The following TENM2 variants were observed in gnomAD, a reference collection of about 807,000 sequenced individuals.
TENM2 encodes the protein teneurin-2.
Under a neutral mutation model 245.2 loss-of-function variants are expected in TENM2, and 52 were observed. The observed-to-expected ratio is 0.21, with a 90% CI of 0.17 to 0.27. TENM2 has a LOEUF of 0.27. Among genes scored for constraint, TENM2 ranks in the 10% least tolerant of loss-of-function variants. TENM2 has a pLI of 1.00. For synonymous variants in TENM2, 1,363 were observed against 1,438.9 expected (o/e 0.95, Z 1.19); for missense variants, 3,046 against 3,666.8 (o/e 0.83, Z 4.37).
the TENM2 span, among the ~76,000 whole-genome samples, chr5:167,128,626 C>G: frequency 6.6e-6 from 1 of 151,918 alleles, no homozygotes; most frequent in Non-Finnish European, 1.5e-5. Context: ...ATGGACACTT[C>G]ACTGAAGCCT....
At chr5:167,449,969 G>T (rs1347228783) in intron 2 of TENM2, among the ~76,000 whole-genome samples, 3 of 151,914 alleles carry the variant, frequency 2.0e-5, no homozygotes, top group African/African-American at 7.2e-5. Flanking sequence ...AAAGAAAAAA[G>T]AAAAAAGGAA....
chr5:167,898,829 T>A (rs1191441899), intron 3 of TENM2, among the ~76,000 whole-genome samples: 1 of 152,046 alleles, frequency 6.6e-6, no homozygotes, highest in Non-Finnish European at 1.5e-5. Flanking sequence ...GCATGGCTAG[T>A]GTGATGAGCC....
At chr5:167,337,198 G>T (rs1000249772) in intron 1 of TENM2, among the ~76,000 whole-genome samples, 5 of 149,796 alleles carry the variant, frequency 3.3e-5, no homozygotes, top group Admixed American at 3.3e-4. Flanking sequence ...TCAGATAAGG[G>T]ATACTCAATT....
chr5:168,244,741 G>A lies in TENM2; in HGVS notation c.5817+25G>A, dbSNP rs754538740. The A allele has an allele frequency of 5.7e-6, 8 of 1,393,692 alleles. No individual in the cohort carries two copies. The highest frequency in any genetic ancestry group is 5.7e-5 in the South Asian group (3 of 53,028). 86.3% of individuals were successfully genotyped at this position (1,393,692 alleles called of 1,614,324 possible). A position where few individuals can be genotyped will look rare whatever the true frequency, so the allele number is the denominator to read the frequency against. ...GGTAGGTGAACATGCTGCCCTGACA[G>A]CAAGGGCTTTCTGTTATTTCTGTTA... On this transcript the variant is annotated intron_variant, in intron 26 of 28. Coordinates refer to ENST00000518659, the Ensembl canonical transcript of TENM2. This position sits in a 1 kb window ranked among gnomAD's most constrained non-coding sequence, Gnocchi z 4.9.
At chr5:167,403,119 A>G (rs1561926988) in intron 2 of TENM2, among the ~76,000 whole-genome samples, 1 of 152,032 alleles carries the variant, frequency 6.6e-6, no homozygotes, top group Non-Finnish European at 1.5e-5. Context: ...ATATGTATAT[A>G]TGCACATATG....
chr5:167,644,806 C>T (rs1561632855), intron 2 of TENM2, among the ~76,000 whole-genome samples: 1 of 152,328 alleles, frequency 6.6e-6, no homozygotes, highest in Admixed American at 6.5e-5. Context: ...CCCTTTCACT[C>T]CTGCTGGTAC....
chr5:167,609,488 C>CAAAAAAA lies in TENM2; in HGVS notation c.502+234033_502+234039dup, dbSNP rs5873049. Reference sequence around the variant, plus strand: ...TGCCTTTTTTCTTTGCCTGATGATGCAAAAAAAAAAAAAAAAAAAAAAAAC... The same window carrying CAAAAAAA: ...TGCCTTTTTTCTTTGCCTGATGATGCAAAAAAAAAAAAAAAAAAAAAAAAAAAAAAAC... On this transcript the variant is annotated intron_variant, in intron 2 of 28. Transcript: ENST00000518659. 2.4e-3 allele frequency among the ~76,000 whole-genome samples: 88 copies of CAAAAAAA among 36,678 alleles called. 1 individual carries two copies. Among genetic ancestry groups the CAAAAAAA allele is most frequent in the East Asian group, 0.013 (11 of 854 alleles). The allele number at this position is 36,678 out of a possible 152,430, so 24.1% of individuals were successfully genotyped here. A position where few individuals can be genotyped will look rare whatever the true frequency, so the allele number is the denominator to read the frequency against.
intron 2 of TENM2, among the ~76,000 whole-genome samples, chr5:167,514,173 A>G (rs187718175): frequency 1.3e-5 from 2 of 152,344 alleles, no homozygotes; most frequent in Admixed American, 6.5e-5. Flanking sequence ...TGCAAAAGCT[A>G]TCATTGAGTA....
chr5:168,256,614 G>A (rs1349667210), intron 27 of TENM2, among the ~76,000 whole-genome samples: 11 of 151,940 alleles, frequency 7.2e-5, no homozygotes, highest in Admixed American at 2.0e-4. Context: ...TAGTCGAGAC[G>A]AGGTTTCACC....
intron 2 of TENM2, among the ~76,000 whole-genome samples, chr5:167,430,011 G>A (rs925948664): frequency 5.9e-5 from 9 of 152,098 alleles, no homozygotes; most frequent in Admixed American, 2.0e-4. Flanking sequence ...TGGAGTGCTG[G>A]TAGAAGGAAG....
the TENM2 span, among the ~76,000 whole-genome samples, chr5:167,021,981 C>G: frequency 6.6e-6 from 1 of 152,132 alleles, no homozygotes; most frequent in African/African-American, 2.4e-5. Flanking sequence ...TTAATGTATG[C>G]TAGTTACTAT....
chr5:167,030,949 A>G, the TENM2 span, among the ~76,000 whole-genome samples: 1 of 152,126 alleles, frequency 6.6e-6, no homozygotes, highest in Non-Finnish European at 1.5e-5. Flanking sequence ...GCGCCTAAGC[A>G]CCTGCGGGCT....
chr5:167,913,637 G>A (rs921438301), intron 3 of TENM2, among the ~76,000 whole-genome samples: 2 of 152,178 alleles, frequency 1.3e-5, no homozygotes, highest in Non-Finnish European at 2.9e-5. Flanking sequence ...ACAGCAACTT[G>A]CAGTGTACAT....
chr5:167,327,101 T>A (rs1221594422), intron 1 of TENM2, among the ~76,000 whole-genome samples: 2 of 152,178 alleles, frequency 1.3e-5, no homozygotes, highest in Non-Finnish European at 2.9e-5. Flanking sequence ...TGTATACATG[T>A]GCCATGTTGG....
intron 2 of TENM2, among the ~76,000 whole-genome samples, chr5:167,412,788 T>G (rs1486408102): frequency 6.6e-6 from 1 of 152,066 alleles, no homozygotes; most frequent in Non-Finnish European, 1.5e-5. Flanking sequence ...TGAAATGTTT[T>G]GTCATGTCTG....
chr5:167,420,252 T>A lies in TENM2; in HGVS notation c.502+44779T>A, dbSNP rs530531262. On this transcript the variant is annotated intron_variant, in intron 2 of 28. Transcript: ENST00000518659. ...GAGACCTTTTAATTTTTCTAGACTA[T>A]CTTAAAATCCAGTTCTCAAAAACAA... Among the ~76,000 whole-genome samples the A allele has an allele frequency of 5.3e-5, 8 of 152,326 alleles. No individual in the cohort carries two copies. In the South Asian group the frequency reaches 1.2e-3, roughly 24 times the overall value.
At chr5:167,218,385 C>T in the TENM2 span, among the ~76,000 whole-genome samples, 1 of 152,114 alleles carries the variant, frequency 6.6e-6, no homozygotes, top group Non-Finnish European at 1.5e-5. Context: ...TTTTTCCCCT[C>T]CTGGTTGCTT....
Position 168,084,727 on chromosome 5 carries a change from A to G in TENM2, c.1516-5847A>G, listed in dbSNP as rs528788919. On this transcript the variant is annotated intron_variant, in intron 7 of 28. Coordinates refer to ENST00000518659, the Ensembl canonical transcript of TENM2. ...ATACAGGTAGAGTGGCGTTTAGGGA[A>G]TTGGGAAGGGGCCAGCTCCCAAAGC... 3.4e-4 allele frequency among the ~76,000 whole-genome samples: 52 copies of G among 152,282 alleles called. 1 individual carries two copies. The South Asian group carries it at 8.5e-3, about 25-fold the overall frequency.
intron 2 of TENM2, among the ~76,000 whole-genome samples, chr5:167,759,637 C>G (rs1762533435): frequency 6.6e-6 from 1 of 152,094 alleles, no homozygotes; most frequent in Non-Finnish European, 1.5e-5. Context: ...GATGGACAAG[C>G]CTGGATGTGC....
Sources: gnomAD v4.1 joint callset for allele counts (sites outside exome capture counted in the v4.1 genomes callset) on GRCh38, gnomAD v4.1.1 for gene constraint, Gnocchi (gnomAD v3.1) non-coding constraint, MANE v1.5 for transcripts, NCBI Gene and HGNC (gene_info 2026-07-23, HGNC 2026-07-21) for gene names.